SEC11A: variants seen among roughly 807,000 people sequenced by gnomAD.
SEC11A encodes SEC11 homolog A, signal peptidase complex subunit.
SEC11A carries 14 observed loss-of-function variants against 25.6 expected under a neutral mutation model. That is an observed-to-expected ratio of 0.55 (90% CI 0.36 to 0.85). The LOEUF (loss-of-function observed/expected upper bound fraction) is 0.85, where lower values mean the gene tolerates loss of function less well. Among genes scored for constraint, SEC11A ranks in the 40% least tolerant of loss-of-function variants. SEC11A has a pLI of 0.01. For synonymous variants in SEC11A, 83 were observed against 76.4 expected (o/e 1.09, Z -0.45); for missense variants, 153 against 222.9 (o/e 0.69, Z 2.00).
chr15:84,697,852 T>C (rs1897813224), intron 1 of SEC11A, among the ~76,000 whole-genome samples: 1 of 152,184 alleles, frequency 6.6e-6, no homozygotes, highest in African/African-American at 2.4e-5. Flanking sequence ...TGTAGAATAA[T>C]AACCACAGAA....
intron 1 of SEC11A, among the ~76,000 whole-genome samples, chr15:84,712,882 C>A (rs1898326971): frequency 6.6e-6 from 1 of 152,110 alleles, no homozygotes; most frequent in Non-Finnish European, 1.5e-5. Context: ...CGTTCTATAT[C>A]TTGATTGTGA....
chr15:84,679,803 A>C (rs1456434226), intron 4 of SEC11A: 2 of 601,514 alleles, frequency 3.3e-6, no homozygotes, highest in African/African-American at 1.9e-5. Flanking sequence ...AAAATGTGGT[A>C]ATACTTGTAA....
chr15:84,708,994 A>G (rs529030013), intron 1 of SEC11A, among the ~76,000 whole-genome samples: 11 of 152,232 alleles, frequency 7.2e-5, no homozygotes, highest in African/African-American at 1.7e-4. Context: ...ATCAAGCAAT[A>G]TAAGTGGCCT....
chr15:84,697,107 A>C (rs1010332608), intron 1 of SEC11A, among the ~76,000 whole-genome samples: 1 of 152,060 alleles, frequency 6.6e-6, no homozygotes, highest in Non-Finnish European at 1.5e-5. Context: ...AAAAAAAAAA[A>C]ATTAATTAGC....
intron 3 of SEC11A, among the ~76,000 whole-genome samples, chr15:84,682,322 ATCT>A (rs762333406): frequency 2.0e-5 from 3 of 151,396 alleles, no homozygotes; most frequent in Non-Finnish European, 4.4e-5. Context: ...GATTACCTTT[ATCT>A]TCTTTTTTCT....
intron 1 of SEC11A, among the ~76,000 whole-genome samples, chr15:84,711,155 G>A (rs1596085888): frequency 6.6e-6 from 1 of 152,104 alleles, no homozygotes; most frequent in Non-Finnish European, 1.5e-5. Context: ...GGCTGAGGTG[G>A]GCAGATGGCT....
chr15:84,711,588 CGATCA>C (rs1898268815), intron 1 of SEC11A, among the ~76,000 whole-genome samples: 1 of 151,786 alleles, frequency 6.6e-6, no homozygotes, highest in Non-Finnish European at 1.5e-5. Flanking sequence ...CAGCCTGAGG[CGATCA>C]GATCACTTGA....
Position 84,670,024 on chromosome 15 carries a change from C to G in SEC11A, c.535G>C (p.Glu179Gln). ...GGAACAGCAAGGCAGGCTTCTTACT[C>G]ACGATGAACCAGCACGAATAAACCC... is the stretch of plus-strand genomic sequence containing the variant. ...LLGLFVLVHR[E>Q] The change falls in exon 6 of 6, where the codon GAG becomes CAG. Residue 179 changes from glutamate (E) to glutamine (Q), a missense_variant. Transcript: ENST00000268220. 1 of 1,613,624 alleles carries G rather than the reference C, an allele frequency of 6.2e-7. No individual in the cohort carries two copies. The highest frequency in any genetic ancestry group is 1.1e-5 in the South Asian group (1 of 90,978).
At chr15:84,688,959 A>T (rs1897512354) in intron 2 of SEC11A, among the ~76,000 whole-genome samples, 1 of 148,002 alleles carries the variant, frequency 6.8e-6, no homozygotes, top group Non-Finnish European at 1.5e-5. Context: ...TGAACCCAGG[A>T]GGTGGAGGTT....
chr15:84,670,519 G>T (rs916935880), intron 5 of SEC11A: 5 of 346,026 alleles, frequency 1.4e-5, no homozygotes, highest in African/African-American at 1.1e-4. Context: ...GATTACAGGC[G>T]TGAGCCACTG....
intron 1 of SEC11A, chr15:84,714,750 C>T (rs1478964961): frequency 6.6e-6 from 1 of 152,144 alleles, no homozygotes; most frequent in African/African-American, 2.4e-5. Flanking sequence ...GTATAAAGTG[C>T]TTCACACATG....
chr15:84,701,884 T>A (rs941407019), intron 1 of SEC11A, among the ~76,000 whole-genome samples: 4 of 151,090 alleles, frequency 2.6e-5, no homozygotes, highest in African/African-American at 9.7e-5. Context: ...CTGGCCAACA[T>A]GGTGAAACCC....
chr15:84,689,407 A>G (rs1386882770), intron 2 of SEC11A, among the ~76,000 whole-genome samples: 1 of 152,164 alleles, frequency 6.6e-6, no homozygotes, highest in Non-Finnish European at 1.5e-5. Context: ...TATGTCAATC[A>G]TATCTCGATA....
chr15:84,704,601 C>T (rs1407403541), intron 1 of SEC11A, among the ~76,000 whole-genome samples: 2 of 152,146 alleles, frequency 1.3e-5, no homozygotes, highest in Non-Finnish European at 2.9e-5. Flanking sequence ...ACCTGATACC[C>T]AGTGGGTCTG....
At chr15:84,707,770 G>A (rs980307746) in intron 1 of SEC11A, among the ~76,000 whole-genome samples, 10 of 152,030 alleles carry the variant, frequency 6.6e-5, no homozygotes, top group Admixed American at 3.9e-4. Flanking sequence ...TTGTCTTTAC[G>A]TCATTTGTGG....
At chr15:84,677,967 A>C (rs1458681929) in intron 4 of SEC11A, among the ~76,000 whole-genome samples, 1 of 152,164 alleles carries the variant, frequency 6.6e-6, no homozygotes, top group Non-Finnish European at 1.5e-5. Flanking sequence ...AGACCATGGT[A>C]GGCAGGTCAC....
At chr15:84,703,033 T>A (rs895689926) in intron 1 of SEC11A, among the ~76,000 whole-genome samples, 1 of 152,186 alleles carries the variant, frequency 6.6e-6, no homozygotes, top group African/African-American at 2.4e-5. Context: ...ATGACTGGTG[T>A]GTCTGTAATG....
chr15:84,670,949 A>G, intron 4 of SEC11A, 167 bp from the exon 5 acceptor site: 1 of 452,500 alleles, frequency 2.2e-6, no homozygotes, highest in Non-Finnish European at 4.0e-6. Flanking sequence ...GTGATAGGAA[A>G]GTTAGGAATA....
At chr15:84,685,424 A>ATTT (rs35058951) in intron 3 of SEC11A, among the ~76,000 whole-genome samples, 1 of 133,600 alleles carries the variant, frequency 7.5e-6, no homozygotes, top group African/African-American at 2.8e-5. Flanking sequence ...TGCCTGACTC[A>ATTT]TTTTTTTTTT....
Sources: allele counts gnomAD v4.1 joint callset (sites outside exome capture counted in the v4.1 genomes callset), GRCh38; gene constraint gnomAD v4.1.1; transcripts MANE v1.5; gene names NCBI Gene and HGNC (gene_info 2026-07-23, HGNC 2026-07-21).